SLC6A3: variants seen among roughly 807,000 people sequenced by gnomAD.
SLC6A3 encodes solute carrier family 6 member 3.
SLC6A3 carries 19 observed loss-of-function variants against 70.4 expected under a neutral mutation model. The ratio of observed to expected loss-of-function variants is 0.27; its 90% CI spans 0.19 to 0.40. SLC6A3 has a LOEUF of 0.40. SLC6A3 is among the 10% of genes least tolerant of loss of function. The pLI is 1.00. For missense variants in SLC6A3, 613 were observed against 838.5 expected, an observed-to-expected ratio of 0.73 and a Z score of 3.32; for synonymous variants, 368 against 356.6, an observed-to-expected ratio of 1.03 and a Z score of -0.36.
chr5:1,394,182 G>C lies in SLC6A3; in HGVS notation c.*553C>G, dbSNP rs145747191. The C allele has an allele frequency of 9.3e-4, 166 of 178,104 alleles. 1 individual carries two copies. Among genetic ancestry groups the C allele is most frequent in the African/African-American group, 3.8e-3 (159 of 42,242 alleles). The allele number at this position is 178,104 out of a possible 1,614,324, so 11.0% of individuals were successfully genotyped here. On this transcript the variant is annotated 3_prime_UTR_variant, in exon 15 of 15. Transcript: ENST00000270349. This position sits in a 1 kb window ranked among gnomAD's most constrained non-coding sequence, Gnocchi z 4.7. ...TGTGTCAACTGAACGCTCAATTTAC[G>C]GCCTCTGCTGGGAGCCACGCATCGG...
chr5:1,440,042 A>G (rs549080150), intron 3 of SLC6A3, among the ~76,000 whole-genome samples: 3 of 152,358 alleles, frequency 2.0e-5, no homozygotes, highest in Non-Finnish European at 2.9e-5. Context: ...CCTGCACTCA[A>G]CACGAGGTGT....
intron 4 of SLC6A3, among the ~76,000 whole-genome samples, chr5:1,422,500 G>A (rs1421063289): frequency 5.7e-5 from 8 of 139,180 alleles, no homozygotes; most frequent in East Asian, 4.2e-4. Context: ...TGCTGCCCAC[G>A]CTGCTGGGTG....
At chr5:1,420,799 C>G in intron 5 of SLC6A3, 96 bp from the exon 6 acceptor site, 4 of 1,364,428 alleles carry the variant, frequency 2.9e-6, no homozygotes, top group Non-Finnish European at 4.2e-6. Flanking sequence ...GACGGCTTGT[C>G]CTCTGATTGG....
rs754323006 is a variant in SLC6A3, at chr5:1,443,547, G to C, written c.-45-305C>G. 3.9e-5 allele frequency among the ~76,000 whole-genome samples: 6 copies of C among 152,330 alleles called. No homozygotes were observed. The East Asian group carries it at 7.7e-4, about 20-fold the overall frequency. On this transcript the variant is annotated intron_variant, in intron 1 of 14. Coordinates refer to ENST00000270349, the MANE Select transcript of SLC6A3 (RefSeq NM_001044.5). ...AAAGTGCAAGGCTGTGTGAGCTCTA[G>C]CGTGGCTTTCTACTAACAATGCATG...
At chr5:1,410,419 G>A (rs1262157408) in intron 9 of SLC6A3, among the ~76,000 whole-genome samples, 1 of 152,128 alleles carries the variant, frequency 6.6e-6, no homozygotes, top group Non-Finnish European at 1.5e-5. Flanking sequence ...TGGACGAGGT[G>A]GATAGGATAT....
rs1426892705 is a variant in SLC6A3, at chr5:1,416,081, C to G, written c.1031+17G>C. The stretch of plus-strand genomic sequence containing the variant: ...TAGTATTGATGAGGCCCCTGCCTGG[C>G]CCTGCTAGGGGCTCACCTGTAGCAG... On this transcript the variant is annotated intron_variant, in intron 7 of 14. Coordinates refer to ENST00000270349, the MANE Select transcript of SLC6A3 (RefSeq NM_001044.5). 2 of 1,587,390 alleles carry G rather than the reference C, an allele frequency of 1.3e-6. No individual in the cohort carries two copies. The highest frequency in any genetic ancestry group is 2.2e-5 in the East Asian group (1 of 44,764).
At chr5:1,398,664 TTGCA>T (rs1755776872) in intron 14 of SLC6A3, among the ~76,000 whole-genome samples, 1 of 152,220 alleles carries the variant, frequency 6.6e-6, no homozygotes, top group African/African-American at 2.4e-5. Flanking sequence ...AGTTAACAGA[TTGCA>T]AAAGATATTT....
chr5:1,442,779 G>A lies in SLC6A3; in HGVS notation c.286+133C>T, dbSNP rs1358935502. ...TCCTCTGGGAGGATCTGCACCGGCCGTGAGCTCTCACAGGGAGCTCCGTCT... is the reference window on the plus strand; with the variant it reads ...TCCTCTGGGAGGATCTGCACCGGCCATGAGCTCTCACAGGGAGCTCCGTCT... On this transcript the variant is annotated intron_variant, in intron 2 of 14. Coordinates refer to ENST00000270349, the MANE Select transcript of SLC6A3 (RefSeq NM_001044.5). The surrounding 1 kb of genome is among the most constrained non-coding windows in gnomAD (Gnocchi z 5.0). The A allele has an allele frequency of 1.9e-5, 17 of 901,018 alleles. No individual in the cohort carries two copies. Among genetic ancestry groups the A allele is most frequent in the Middle Eastern group, 2.6e-4 (1 of 3,866 alleles). 55.8% of individuals were successfully genotyped at this position (901,018 alleles called of 1,614,324 possible). A position where few individuals can be genotyped will look rare whatever the true frequency, so the allele number is the denominator to read the frequency against.
chr5:1,408,112 A>T lies in SLC6A3; in HGVS notation c.1498+914T>A, dbSNP rs72715526. ...GCCTTCCGGGTTCAAGCTGAATCAT[A>T]TTCCATCGTAAGTATACCATCAGTG... On this transcript the variant is annotated intron_variant, in intron 11 of 14. Transcript: ENST00000270349. The surrounding 1 kb of genome is among the most constrained non-coding windows in gnomAD (Gnocchi z 6.4). Among the ~76,000 whole-genome samples the T allele has an allele frequency of 0.15, 22,064 of 151,650 alleles. 1,892 individuals carry two copies. The highest frequency in any genetic ancestry group is 0.2 in the Non-Finnish European group (13,687 of 67,924).
chr5:1,393,077 T>G lies in SLC6A3; in HGVS notation c.*1658A>C, dbSNP rs1357636352. 2 of 151,876 alleles carry G rather than the reference T, an allele frequency of 1.3e-5. No individual in the cohort carries two copies. Among genetic ancestry groups the G allele is most frequent in the East Asian group, 1.9e-4 (1 of 5,152 alleles). 9.4% of individuals were successfully genotyped at this position (151,876 alleles called of 1,614,324 possible). On this transcript the variant is annotated 3_prime_UTR_variant, in exon 15 of 15. Transcript: ENST00000270349. The stretch of plus-strand genomic sequence containing the variant: ...CTCTGTGTCCCTCCCCAGAAGGCAA[T>G]GGGGAAGCCATCCTCTGTGCTAACT...
rs1191606519 is a variant in SLC6A3, at chr5:1,408,320, G to A, written c.1498+706C>T. Among the ~76,000 whole-genome samples the A allele has an allele frequency of 1.3e-5, 2 of 151,748 alleles. No individual in the cohort carries two copies. Among genetic ancestry groups the A allele is most frequent in the Middle Eastern group, 3.2e-3 (1 of 316 alleles). On this transcript the variant is annotated intron_variant, in intron 11 of 14. Coordinates refer to ENST00000270349, the MANE Select transcript of SLC6A3 (RefSeq NM_001044.5). This position sits in a 1 kb window ranked among gnomAD's most constrained non-coding sequence, Gnocchi z 6.4. ...GCCTCCCAAAGTGCTGGGATTACAG[G>A]CGTGAGTCACCGCGCCCGGACCACA...
chr5:1,401,824 C>T lies in SLC6A3; in HGVS notation c.1768-838G>A, dbSNP rs567209288. On this transcript the variant is annotated intron_variant, in intron 13 of 14. Transcript: ENST00000270349. This position sits in a 1 kb window ranked among gnomAD's most constrained non-coding sequence, Gnocchi z 6.1. ...GAGCTCTCTCCCTGCAGAGACTGCC[C>T]GGCTGCCTGCTCTTCCCCTGTGCTG... is the stretch of plus-strand genomic sequence containing the variant. Among the ~76,000 whole-genome samples the T allele has an allele frequency of 2.3e-4, 35 of 152,352 alleles. No homozygotes were observed. Among genetic ancestry groups the T allele is most frequent in the Admixed American group, 4.6e-4 (7 of 15,310 alleles).
In SLC6A3 at chr5:1,406,135, G is replaced by A. The variant is rs1372117627; in HGVS notation, c.1599+53C>T. The A allele has an allele frequency of 3.0e-6, 4 of 1,339,908 alleles. No homozygotes were observed. The highest frequency in any genetic ancestry group is 4.3e-6 in the Non-Finnish European group (4 of 930,722). The allele number at this position is 1,339,908 out of a possible 1,614,324, so 83.0% of individuals were successfully genotyped here. On this transcript the variant is annotated intron_variant, in intron 12 of 14. Coordinates refer to ENST00000270349, the MANE Select transcript of SLC6A3 (RefSeq NM_001044.5). The surrounding 1 kb of genome is among the most constrained non-coding windows in gnomAD (Gnocchi z 8.8). ...GCGCTGGACCTCGGGGCAGGTGCCA[G>A]AGTGGGGGCAGTGGGCAGACGGGGG...
rs543441970 is a variant in SLC6A3 at position 1,435,440 on chromosome 5, G to A, written c.419-2742C>T. On this transcript the variant is annotated intron_variant, in intron 3 of 14. Coordinates refer to ENST00000270349, the MANE Select transcript of SLC6A3 (RefSeq NM_001044.5). ...CAGAGTGGATCCCAATCCAGAGTCC[G>A]AAGGAAGGGCTGAGTGTACCCTGGG... Among the ~76,000 whole-genome samples the A allele has an allele frequency of 4.6e-5, 7 of 152,364 alleles. No individual in the cohort carries two copies. The South Asian group carries it at 8.3e-4, about 18-fold the overall frequency.
chr5:1,392,812 CT>C lies in SLC6A3; in HGVS notation c.*1922del. 6.6e-6 allele frequency: 1 copy of C among 152,422 alleles called. No individual in the cohort carries two copies. Among genetic ancestry groups the C allele is most frequent in the Non-Finnish European group, 1.5e-5 (1 of 68,106 alleles). 9.4% of individuals were successfully genotyped at this position (152,422 alleles called of 1,614,324 possible). On this transcript the variant is annotated 3_prime_UTR_variant, in exon 15 of 15. Transcript: ENST00000270349. ...GAGGCAGTTTTTCCATTGTGGATGT[CT>C]TTTATTGTGCTTAGGGACCCACACG...
rs550895637 is a variant in SLC6A3 at position 1,399,592 on chromosome 5, T to G, written c.1839+1323A>C. 2.0e-5 allele frequency among the ~76,000 whole-genome samples: 3 copies of G among 152,304 alleles called. No individual in the cohort carries two copies. In the South Asian group the frequency reaches 6.2e-4, roughly 32 times the overall value. ...TGTAAGACCCCCAGGTATAGGACTCTCAGAGGAGAGAGGCTCTGGTGGAGC... is the reference window on the plus strand; with the variant it reads ...TGTAAGACCCCCAGGTATAGGACTCGCAGAGGAGAGAGGCTCTGGTGGAGC... On this transcript the variant is annotated intron_variant, in intron 14 of 14. Transcript: ENST00000270349.
At position 1,426,497 on chromosome 5, in the gene SLC6A3, AC is replaced by A. The variant is rs1231963094; in HGVS notation, c.654-4484del. Among the ~76,000 whole-genome samples the A allele has an allele frequency of 2.0e-5, 3 of 152,202 alleles. No individual in the cohort carries two copies. The East Asian group carries it at 5.8e-4, about 29-fold the overall frequency. ...CAAGCCTGCAGTGAGCCGTGATCAT[AC>A]CACTGCACACTCCAGCCTGGACAAC... On this transcript the variant is annotated intron_variant, in intron 4 of 14. Coordinates refer to ENST00000270349, the MANE Select transcript of SLC6A3 (RefSeq NM_001044.5).
rs1396617426 is a variant in SLC6A3 at position 1,404,907 on chromosome 5, G to C, written c.1599+1281C>G. 6.6e-6 allele frequency among the ~76,000 whole-genome samples: 1 copy of C among 152,228 alleles called. No individual in the cohort carries two copies. On this transcript the variant is annotated intron_variant, in intron 12 of 14. Transcript: ENST00000270349. This position sits in a 1 kb window ranked among gnomAD's most constrained non-coding sequence, Gnocchi z 5.2. ...GAACATTTTATCTCCTAAGATCGAG[G>C]TCAGCCCTCTGGGTGTTAAGAGGAG...
chr5:1,409,235 T>C (rs1420696528), intron 10 of SLC6A3, 110 bp from the exon 11 acceptor site: 2 of 819,760 alleles, frequency 2.4e-6, no homozygotes, highest in Non-Finnish European at 4.1e-6. Flanking sequence ...AAAACTCTGG[T>C]TTGAGTCCCT....
Sources: allele counts gnomAD v4.1 joint callset (sites outside exome capture counted in the v4.1 genomes callset), GRCh38; gene constraint gnomAD v4.1.1; non-coding constraint Gnocchi (gnomAD v3.1); transcripts MANE v1.5; gene names NCBI Gene and HGNC (gene_info 2026-07-23, HGNC 2026-07-21).